TSC1: variants seen among roughly 807,000 people sequenced by gnomAD.
The protein encoded by TSC1 is hamartin.
TSC1 carries 20 observed loss-of-function variants against 124.3 expected under a neutral mutation model. That is an observed-to-expected ratio of 0.16 (90% confidence interval 0.11 to 0.23). The LOEUF (loss-of-function observed/expected upper bound fraction) is 0.23, where lower values mean the gene tolerates loss of function less well. TSC1 is among the 10% of genes least tolerant of loss of function. The probability of loss-of-function intolerance (pLI) is 1.00; values close to 1 mark genes in which losing one functional copy is unlikely to be tolerated. For missense variants in TSC1, 1,124 were observed against 1,448.5 expected (o/e 0.78, Z 3.64); for synonymous variants, 493 against 539.1 (o/e 0.91, Z 1.19).
intron 2 of TSC1, among the ~76,000 whole-genome samples, chr9:132,931,030 T>G (rs1847175008): frequency 6.6e-6 from 1 of 152,200 alleles, no homozygotes; most frequent in African/African-American, 2.4e-5. Flanking sequence ...GTAAAAATCT[T>G]TGGGCCACCA....
intron 12 of TSC1, among the ~76,000 whole-genome samples, chr9:132,909,561 T>A (rs1845837718): frequency 6.6e-6 from 1 of 152,238 alleles, no homozygotes; most frequent in African/African-American, 2.4e-5. Flanking sequence ...CAAGTCTGAA[T>A]AACCAGTTTG....
chr9:132,930,119 C>T (rs1847125037), intron 2 of TSC1, among the ~76,000 whole-genome samples: 1 of 152,166 alleles, frequency 6.6e-6, no homozygotes, highest in African/African-American at 2.4e-5. Context: ...GCATCGAAAC[C>T]ACCTGGGATA....
chr9:132,920,123 C>T (rs147413350), intron 8 of TSC1, among the ~76,000 whole-genome samples: 56 of 152,330 alleles, frequency 3.7e-4, no homozygotes, highest in African/African-American at 1.3e-3. Context: ...TTCCCAGACT[C>T]ATTCATGACC....
In TSC1 at chr9:132,912,413, T is replaced by C. The variant is rs371225009; in HGVS notation, c.782A>G (p.Lys261Arg). The C allele has an allele frequency of 2.0e-5, 32 of 1,614,062 alleles. No individual in the cohort carries two copies. The highest frequency in any genetic ancestry group is 1.2e-4 in the Admixed American group (7 of 60,008). ...ETHDVVIECA[K>R]ISLDPTEASY... ...GGCTTCTGTGGGATCCAGAGAGATTTTGGCACACTCGATCACAACATCATG... is the reference window on the plus strand; with the variant it reads ...GGCTTCTGTGGGATCCAGAGAGATTCTGGCACACTCGATCACAACATCATG... Residue 261 changes from lysine to arginine, a missense_variant, in exon 9 of 23, where the codon AAA becomes AGA. Physicochemically the swap from Lys to Arg is conservative, Grantham distance 26. This residue lies in a region of TSC1 where 463 missense variants were observed against 606.8 expected (regional missense o/e 0.76). Coordinates refer to ENST00000298552, the MANE Select transcript of TSC1 (RefSeq NM_000368.5).
chr9:132,906,577 C>T lies in TSC1; in HGVS notation c.1438+154G>A, dbSNP rs573719216. ...AAAAAAAAAAAAAAAAGTGGCATCA[C>T]TTTACCTGGCATAGGTCCCAGACTA... On this transcript the variant is annotated intron_variant, in intron 14 of 22. Coordinates refer to ENST00000298552, the MANE Select transcript of TSC1 (RefSeq NM_000368.5). This position sits in a 1 kb window ranked among gnomAD's most constrained non-coding sequence, Gnocchi z 4.1. 3.6e-5 allele frequency: 23 copies of T among 633,110 alleles called. No individual in the cohort carries two copies. Among genetic ancestry groups the T allele is most frequent in the South Asian group, 7.0e-5 (4 of 57,486 alleles). The allele number at this position is 633,110 out of a possible 1,614,324, so 39.2% of individuals were successfully genotyped here.
chr9:132,894,581 C>T lies in TSC1; in HGVS notation c.*1654G>A. ...GCCCTGCCACAGGCTGGGAATCAGTCACACCCAGAAAGCCTGCCTGAACAG... is the reference window on the plus strand; with the variant it reads ...GCCCTGCCACAGGCTGGGAATCAGTTACACCCAGAAAGCCTGCCTGAACAG... On this transcript the variant is annotated 3_prime_UTR_variant, in exon 23 of 23. Transcript: ENST00000298552. The T allele has an allele frequency of 4.5e-6, 1 of 223,800 alleles. No individual in the cohort carries two copies. Among genetic ancestry groups the T allele is most frequent in the Non-Finnish European group, 8.9e-6 (1 of 112,504 alleles). The allele number at this position is 223,800 out of a possible 1,614,324, so 13.9% of individuals were successfully genotyped here.
chr9:132,912,580 C>T, intron 8 of TSC1, 123 bp from the exon 9 acceptor site: 1 of 1,096,854 alleles, frequency 9.1e-7, no homozygotes, highest in Non-Finnish European at 1.4e-6. Flanking sequence ...ACCATGCCAG[C>T]CCAAGTCTGA....
At position 132,923,341 on chromosome 9, in the gene TSC1, T is replaced by G. The variant is rs1846668543; in HGVS notation, c.508+7A>C. On this transcript the variant is annotated splice_region_variant and intron_variant, in intron 6 of 22. Coordinates refer to ENST00000298552, the MANE Select transcript of TSC1 (RefSeq NM_000368.5). The surrounding 1 kb of genome is among the most constrained non-coding windows in gnomAD (Gnocchi z 4.2). ...AGGGCCCAACAGGTATATGAGGAGATCTGTACCTGGTTTCTTCAGGCACCA... is the reference window on the plus strand; with the variant it reads ...AGGGCCCAACAGGTATATGAGGAGAGCTGTACCTGGTTTCTTCAGGCACCA... 1 of 1,614,050 alleles carries G rather than the reference T, an allele frequency of 6.2e-7. No homozygotes were observed. The highest frequency in any genetic ancestry group is 2.2e-5 in the East Asian group (1 of 44,892).
rs758107610 is a variant in TSC1 at position 132,905,864 on chromosome 9, A to G, written c.1714T>C (p.Cys572Arg). 3 of 1,612,796 alleles carry G rather than the reference A, an allele frequency of 1.9e-6. No individual in the cohort carries two copies. The South Asian group carries it at 3.3e-5, about 18-fold the overall frequency. Residue 572 changes from cysteine to arginine, a missense_variant, in exon 15 of 23, where the codon TGC (cysteine) becomes CGC (arginine). Coordinates refer to ENST00000298552, the MANE Select transcript of TSC1 (RefSeq NM_000368.5). The part of the protein sequence containing the change: ...ADESPAGDRE[C>R]QTSLETSIFT... ...ATACTGGTCTCCAAAGAAGTCTGGC[A>G]TTCCCTGTCTCCCGCAGGGCTTTCA...
At chr9:132,901,982 GA>G (rs750464896) in intron 18 of TSC1, 281 of 377,410 alleles carry the variant, frequency 7.4e-4, no homozygotes, top group South Asian at 2.3e-3. Context: ...GGATGCTGCA[GA>G]AAGATTCTGA....
intron 1 of TSC1, among the ~76,000 whole-genome samples, chr9:132,935,417 A>C (rs1384141944): frequency 1.3e-5 from 2 of 152,268 alleles, no homozygotes. Context: ...AAGCTCTGCA[A>C]CTTATTAGCT....
intron 1 of TSC1, among the ~76,000 whole-genome samples, chr9:132,938,308 C>T (rs1847566245): frequency 6.6e-6 from 1 of 152,224 alleles, no homozygotes; most frequent in Non-Finnish European, 1.5e-5. Flanking sequence ...CCTGGCAGAG[C>T]AGAACACCAG....
chr9:132,913,462 T>C (rs1846076275), intron 8 of TSC1, among the ~76,000 whole-genome samples: 1 of 152,198 alleles, frequency 6.6e-6, no homozygotes, highest in Non-Finnish European at 1.5e-5. Context: ...AGTTATTCTA[T>C]AGAATATAAC....
At position 132,895,553 on chromosome 9, in the gene TSC1, G is replaced by A. The variant is rs75252898; in HGVS notation, c.*682C>T. 0.018 allele frequency: 4,216 copies of A among 234,302 alleles called. 147 individuals carry two copies. The highest frequency in any genetic ancestry group is 0.081 in the African/African-American group (3,670 of 45,458). 14.5% of individuals were successfully genotyped at this position (234,302 alleles called of 1,614,324 possible). A position where few individuals can be genotyped will look rare whatever the true frequency, so the allele number is the denominator to read the frequency against. ...AGACAAGAGCTTTCCCAAAGGGTGTGTGGTCTCCACAGTGCCAGCTCCAGA... is the reference window on the plus strand; with the variant it reads ...AGACAAGAGCTTTCCCAAAGGGTGTATGGTCTCCACAGTGCCAGCTCCAGA... On this transcript the variant is annotated 3_prime_UTR_variant, in exon 23 of 23. Coordinates refer to ENST00000298552, the MANE Select transcript of TSC1 (RefSeq NM_000368.5).
chr9:132,927,385 A>T, intron 3 of TSC1, 81 bp from the exon 4 acceptor site: 1 of 1,324,244 alleles, frequency 7.6e-7, no homozygotes, highest in Non-Finnish European at 1.1e-6. Flanking sequence ...CTGTCACAAA[A>T]TCCAGAAAAT....
rs1419023919 is a variant in TSC1, at chr9:132,905,976, C to T, written c.1602G>A (p.Glu534=). 6.2e-7 allele frequency: 1 copy of T among 1,614,108 alleles called. No individual in the cohort carries two copies. Among genetic ancestry groups the T allele is most frequent in the Non-Finnish European group, 8.5e-7 (1 of 1,180,016 alleles). ...SSSQGASVNP[E]PLHSSLDKLG... ...GCTTGTCCAGGGAGGAGTGTAAAGG[C>T]TCAGGGTTCACGCTGGCGCCCTGAG... The change falls in exon 15 of 23, where the codon GAG becomes GAA. Residue 534 remains glutamate (E), a synonymous_variant. Transcript: ENST00000298552.
chr9:132,922,123 G>T, intron 6 of TSC1, 150 bp from the exon 7 acceptor site: 1 of 931,542 alleles, frequency 1.1e-6, no homozygotes, highest in Non-Finnish European at 1.7e-6. Flanking sequence ...TTTCTAAAAT[G>T]CAAACAAATC....
rs1393850219 is a variant in TSC1 at position 132,892,736 on chromosome 9, A to G, written c.*3499T>C. ...TGGTATGCTCTACTATTTGGTAGAA[A>G]TTCACATTGGCTTGTCACAGCACAC... On this transcript the variant is annotated 3_prime_UTR_variant, in exon 23 of 23. Coordinates refer to ENST00000298552, the MANE Select transcript of TSC1 (RefSeq NM_000368.5). The G allele has an allele frequency of 4.3e-6, 1 of 233,172 alleles. No homozygotes were observed. The highest frequency in any genetic ancestry group is 2.2e-5 in the African/African-American group (1 of 45,326). 14.4% of individuals were successfully genotyped at this position (233,172 alleles called of 1,614,324 possible). A position where few individuals can be genotyped will look rare whatever the true frequency, so the allele number is the denominator to read the frequency against.
At position 132,905,817 on chromosome 9, in the gene TSC1, T is replaced by G. The variant is rs118203577; in HGVS notation, c.1761A>C (p.Lys587Asn). Residue 587 changes from lysine (K) to asparagine (N), a missense_variant, in exon 15 of 23, where the codon AAA becomes AAC. By Grantham distance (94) the Lys-to-Asn change is moderately conservative. This residue lies in a region of TSC1 where 321 missense variants were observed against 397.4 expected (regional missense o/e 0.81). Transcript: ENST00000298552. ...AGCCCACTCTCGTCGGAGGTGGAAT[T>G]TTACAAGGACTGGGAGTGAAGATAC... ...ETSIFTPSPC[K>N]IPPPTRVGFG... 1 of 1,614,144 alleles carries G rather than the reference T, an allele frequency of 6.2e-7. No individual in the cohort carries two copies. Among genetic ancestry groups the G allele is most frequent in the Non-Finnish European group, 8.5e-7 (1 of 1,180,020 alleles).
Sources: allele counts gnomAD v4.1 joint callset (sites outside exome capture counted in the v4.1 genomes callset), GRCh38; gene constraint gnomAD v4.1.1; regional missense constraint gnomAD v4.1.1; non-coding constraint Gnocchi (gnomAD v3.1); transcripts MANE v1.5; gene names NCBI Gene and HGNC (gene_info 2026-07-23, HGNC 2026-07-21).